The following CDH13 variants were observed in gnomAD, a reference collection of about 807,000 sequenced individuals.
CDH13 encodes cadherin-13.
A neutral mutation model predicts 63.8 loss-of-function variants in CDH13; 24 were observed. The ratio of observed to expected loss-of-function variants is 0.38; its 90% CI spans 0.27 to 0.53. The LOEUF (loss-of-function observed/expected upper bound fraction) is 0.53. Ranked by LOEUF, CDH13 falls within the 20% of genes least tolerant of loss-of-function variation. CDH13 has a pLI of 0.85. For synonymous variants in CDH13, 503 were observed against 355.3 expected, an observed-to-expected ratio of 1.42 and a Z score of -4.67; for missense variants, 1,049 against 903.1, an observed-to-expected ratio of 1.16 and a Z score of -2.07.
At chr16:82,901,073 ATTTT>A (rs35002469) in intron 2 of CDH13, among the ~76,000 whole-genome samples, 6 of 144,696 alleles carry the variant, frequency 4.1e-5, no homozygotes, top group Non-Finnish European at 6.1e-5. Context: ...ATGTATATTG[ATTTT>A]TTTTTTTTTT....
chr16:83,147,526 C>G (rs576576272), intron 4 of CDH13, among the ~76,000 whole-genome samples: 1 of 152,204 alleles, frequency 6.6e-6, no homozygotes, highest in African/African-American at 2.4e-5. Flanking sequence ...CCACTTCCTC[C>G]TTTCACGACT....
intron 5 of CDH13, among the ~76,000 whole-genome samples, chr16:83,330,192 C>G (rs1043225498): frequency 6.6e-6 from 1 of 152,158 alleles, no homozygotes; most frequent in Admixed American, 6.5e-5. Context: ...AATAGACACA[C>G]ACATACACAT....
intron 6 of CDH13, among the ~76,000 whole-genome samples, chr16:83,404,138 C>T (rs768806410): frequency 7.2e-5 from 11 of 152,160 alleles, no homozygotes; most frequent in Admixed American, 1.3e-4. Context: ...AGAAGTTTCT[C>T]GCCTCCATGA....
At chr16:82,957,381 G>A (rs892429680) in intron 2 of CDH13, among the ~76,000 whole-genome samples, 1 of 152,128 alleles carries the variant, frequency 6.6e-6, no homozygotes, top group African/African-American at 2.4e-5. Context: ...GCAGGGTTGT[G>A]GGCACTGGAA....
chr16:83,276,982 T>C (rs1207020559), intron 5 of CDH13, among the ~76,000 whole-genome samples: 1 of 152,080 alleles, frequency 6.6e-6, no homozygotes, highest in Non-Finnish European at 1.5e-5. Context: ...AGACTTACAA[T>C]CATGAGAACA....
chr16:82,693,886 C>A (rs1216383648), intron 1 of CDH13, among the ~76,000 whole-genome samples: 1 of 152,170 alleles, frequency 6.6e-6, no homozygotes, highest in Non-Finnish European at 1.5e-5. Context: ...AATCTTATAA[C>A]ATTCTTGGTT....
At chr16:83,163,597 T>G (rs976277436) in intron 4 of CDH13, among the ~76,000 whole-genome samples, 1 of 152,104 alleles carries the variant, frequency 6.6e-6, no homozygotes, top group Non-Finnish European at 1.5e-5. Context: ...CTATTGCCTT[T>G]GCAGTCAGAT....
intron 5 of CDH13, among the ~76,000 whole-genome samples, chr16:83,224,220 A>G (rs2039780733): frequency 6.6e-6 from 1 of 152,254 alleles, no homozygotes; most frequent in African/African-American, 2.4e-5. Flanking sequence ...ATGTATGTAT[A>G]CACACACCAC....
intron 1 of CDH13, among the ~76,000 whole-genome samples, chr16:82,638,904 G>A (rs1288173388): frequency 6.7e-6 from 1 of 148,980 alleles, no homozygotes. Flanking sequence ...ACAATTCACT[G>A]TAGTTGCTAT....
chr16:82,891,045 T>G (rs1296967956), intron 2 of CDH13, among the ~76,000 whole-genome samples: 2 of 65,206 alleles, frequency 3.1e-5, no homozygotes, highest in African/African-American at 1.4e-4. Flanking sequence ...GGGTTTTTTT[T>G]TTTTTTTTTA....
chr16:83,227,365 C>G (rs1292866751), intron 5 of CDH13, among the ~76,000 whole-genome samples: 2 of 152,166 alleles, frequency 1.3e-5, no homozygotes, highest in Non-Finnish European at 2.9e-5. Flanking sequence ...GGTATGGAAG[C>G]TGACATTGAT....
At chr16:83,507,779 A>C (rs2074436401) in intron 7 of CDH13, among the ~76,000 whole-genome samples, 1 of 151,990 alleles carries the variant, frequency 6.6e-6, no homozygotes, top group Non-Finnish European at 1.5e-5. Flanking sequence ...TCATGCTTGT[A>C]ATCCCAGCAC....
intron 7 of CDH13, among the ~76,000 whole-genome samples, chr16:83,559,081 C>T (rs1217817770): frequency 6.6e-6 from 1 of 152,172 alleles, no homozygotes; most frequent in Non-Finnish European, 1.5e-5. Context: ...TTCTTTTAAA[C>T]ACTGCTATCA....
chr16:83,567,536 A>C (rs111906015), intron 7 of CDH13, among the ~76,000 whole-genome samples: 2,903 of 152,280 alleles, frequency 0.019, 105 homozygotes, highest in African/African-American at 0.066. Flanking sequence ...TTATTTAAAA[A>C]TTTTTTAAAA....
chr16:83,271,450 A>AAAAAAAAAAAAAAC (rs2088810035), intron 5 of CDH13, among the ~76,000 whole-genome samples: 1 of 137,116 alleles, frequency 7.3e-6, no homozygotes, highest in East Asian at 2.1e-4. Flanking sequence ...AAAAAAAAAA[A>AAAAAAAAAAAAAAC]AATTCATGGT....
At chr16:82,714,398 T>C (rs2032197756) in intron 1 of CDH13, among the ~76,000 whole-genome samples, 1 of 152,134 alleles carries the variant, frequency 6.6e-6, no homozygotes, top group African/African-American at 2.4e-5. Context: ...GAAGCTAATC[T>C]ACTGTTACTG....
At chr16:83,487,867 C>T (rs548517777) in intron 7 of CDH13, among the ~76,000 whole-genome samples, 1 of 152,330 alleles carries the variant, frequency 6.6e-6, no homozygotes, top group East Asian at 1.9e-4. Flanking sequence ...TATAGTTTCT[C>T]AAGAGATTCT....
intron 7 of CDH13, among the ~76,000 whole-genome samples, chr16:83,556,634 C>G (rs1185071023): frequency 2.0e-5 from 3 of 152,222 alleles, no homozygotes; most frequent in Admixed American, 6.5e-5. Context: ...TTCTCCTTGT[C>G]TCAGTTTCGG....
At chr16:83,120,843 A>C (rs1333059414) in intron 3 of CDH13, among the ~76,000 whole-genome samples, 1 of 144,518 alleles carries the variant, frequency 6.9e-6, no homozygotes, top group Non-Finnish European at 1.5e-5. Flanking sequence ...AGCTCACTGC[A>C]ACTTCCATCT....
Sources: allele counts gnomAD v4.1 joint callset (sites outside exome capture counted in the v4.1 genomes callset), GRCh38; gene constraint gnomAD v4.1.1; transcripts MANE v1.5; gene names NCBI Gene and HGNC (gene_info 2026-07-23, HGNC 2026-07-21).